NCK2: variants seen among roughly 807,000 people sequenced by gnomAD.
The protein encoded by NCK2 is cytoplasmic protein NCK2.
Under a neutral mutation model 33.9 loss-of-function variants are expected in NCK2, and 16 were observed. That is an observed-to-expected ratio of 0.47 (90% CI 0.32 to 0.72). The LOEUF is 0.72. NCK2 is among the 30% of genes least tolerant of loss of function. NCK2 has a pLI of 0.03. For synonymous variants in NCK2, 273 were observed against 239.9 expected, an observed-to-expected ratio of 1.14 and a Z score of -1.27; for missense variants, 418 against 537.3, an observed-to-expected ratio of 0.78 and a Z score of 2.19.
intron 1 of NCK2, among the ~76,000 whole-genome samples, chr2:105,765,919 C>G (rs922577395): frequency 2.6e-5 from 4 of 151,880 alleles, no homozygotes; most frequent in African/African-American, 9.7e-5. Flanking sequence ...TCCAGACCCA[C>G]AGAGACAATA....
intron 1 of NCK2, among the ~76,000 whole-genome samples, chr2:105,782,788 T>G (rs1690544242): frequency 6.6e-6 from 1 of 152,182 alleles, no homozygotes; most frequent in Admixed American, 6.5e-5. Flanking sequence ...GCTGTTAGGC[T>G]TGTGCTCAGC....
chr2:105,853,721 G>A (rs1461461511), intron 2 of NCK2: 1 of 152,222 alleles, frequency 6.6e-6, no homozygotes, highest in African/African-American at 2.4e-5. Flanking sequence ...AAAGAGATTG[G>A]GTTTGACTCC....
At chr2:105,800,059 T>C (rs1477064505) in intron 1 of NCK2, among the ~76,000 whole-genome samples, 6 of 152,214 alleles carry the variant, frequency 3.9e-5, no homozygotes, top group African/African-American at 1.4e-4. Flanking sequence ...AGATGTGTCT[T>C]TGCACCAGCA....
upstream of NCK2, among the ~76,000 whole-genome samples, chr2:105,744,646 A>G (rs1021084485): frequency 3.4e-4 from 51 of 151,770 alleles, no homozygotes; most frequent in African/African-American, 1.2e-3. Context: ...GCGCCTCCAG[A>G]GCGGAGCGTC....
intron 1 of NCK2, among the ~76,000 whole-genome samples, chr2:105,779,322 A>AG (rs1326275161): frequency 6.6e-6 from 1 of 151,982 alleles, no homozygotes; most frequent in Non-Finnish European, 1.5e-5. Context: ...AAAAAAAAAA[A>AG]AAGAATCCGT....
At chr2:105,860,796 C>T (rs1300179426) in intron 3 of NCK2, among the ~76,000 whole-genome samples, 1 of 144,400 alleles carries the variant, frequency 6.9e-6, no homozygotes, top group Admixed American at 6.9e-5. Context: ...ATGCCCCGCC[C>T]GCCTGTGCAT....
intron 1 of NCK2, among the ~76,000 whole-genome samples, chr2:105,801,418 CTTT>C (rs79973949): frequency 6.9e-6 from 1 of 145,458 alleles, no homozygotes; most frequent in Non-Finnish European, 1.5e-5. Flanking sequence ...GTGCTTTTTT[CTTT>C]TTTTTTTTTT....
chr2:105,835,407 G>GTATATATATATATATATATATACGTA (rs1491345836), intron 2 of NCK2, among the ~76,000 whole-genome samples: 1 of 19,694 alleles, frequency 5.1e-5, no homozygotes, highest in African/African-American at 1.1e-4. Context: ...ATATATATAC[G>GTATATATATATATATATATATACGTA]TGTATATATA....
chr2:105,770,727 A>C (rs888578569), intron 1 of NCK2, among the ~76,000 whole-genome samples: 1 of 152,164 alleles, frequency 6.6e-6, no homozygotes, highest in African/African-American at 2.4e-5. Context: ...CATTATTTTA[A>C]ACTTAAAGAT....
intron 1 of NCK2, among the ~76,000 whole-genome samples, chr2:105,753,864 C>T (rs149677120): frequency 8.5e-5 from 13 of 152,306 alleles, no homozygotes; most frequent in African/African-American, 3.1e-4. Context: ...GCTTTGAAAT[C>T]TGCTTCTGAG....
chr2:105,854,324 T>A (rs1392430781), intron 2 of NCK2, among the ~76,000 whole-genome samples: 1 of 152,226 alleles, frequency 6.6e-6, no homozygotes, highest in Non-Finnish European at 1.5e-5. Context: ...TACAGACGTC[T>A]CTGCACAGGT....
chr2:105,835,090 T>C (rs1440218275), intron 2 of NCK2, among the ~76,000 whole-genome samples: 5 of 152,080 alleles, frequency 3.3e-5, no homozygotes, highest in African/African-American at 1.2e-4. Context: ...TGTTTTTCTT[T>C]GTGGTTTGCT....
At chr2:105,794,124 C>T (rs1457787212) in intron 1 of NCK2, among the ~76,000 whole-genome samples, 10 of 148,036 alleles carry the variant, frequency 6.8e-5, no homozygotes, top group Admixed American at 6.1e-4. Context: ...TTTTGGCTCA[C>T]TGCAACCTCC....
At position 105,777,686 on chromosome 2, in the gene NCK2, A is replaced by G. The variant is rs1338526927; in HGVS notation, c.-201+32548A>G. Among the ~76,000 whole-genome samples, 5 of 152,154 alleles carry G rather than the reference A, an allele frequency of 3.3e-5. No individual in the cohort carries two copies. The East Asian group carries it at 9.6e-4, about 29-fold the overall frequency. On this transcript the variant is annotated intron_variant, in intron 1 of 4. Coordinates refer to ENST00000233154, the MANE Select transcript of NCK2 (RefSeq NM_003581.5). ...ACACCAATGCGCACAATTCCTATCAAGGTCCTGTGTGTAGAGCCACTGTGG... is the reference window on the plus strand; with the variant it reads ...ACACCAATGCGCACAATTCCTATCAGGGTCCTGTGTGTAGAGCCACTGTGG...
chr2:105,871,503 C>CTTT lies in NCK2; in HGVS notation c.227-9817_227-9815dup, dbSNP rs369980011. On this transcript the variant is annotated intron_variant, in intron 3 of 4. Transcript: ENST00000233154. The stretch of plus-strand genomic sequence containing the variant: ...AAAAAGATAATGGTTTTTCTTTTTT[C>CTTT]TTTTTTTTTTGAGACAGAGTCTCCC... Among the ~76,000 whole-genome samples the CTTT allele has an allele frequency of 3.7e-3, 552 of 148,534 alleles. 2 individuals are homozygous for CTTT. Among genetic ancestry groups the CTTT allele is most frequent in the African/African-American group, 0.012 (503 of 40,526 alleles).
chr2:105,866,120 G>T (rs1677741654), intron 3 of NCK2, among the ~76,000 whole-genome samples: 1 of 152,060 alleles, frequency 6.6e-6, no homozygotes. Context: ...CTCCATGTTG[G>T]CCAGGCTGGT....
At chr2:105,844,746 G>GATATA (rs1558866415) in intron 2 of NCK2, among the ~76,000 whole-genome samples, 1 of 37,172 alleles carries the variant, frequency 2.7e-5, no homozygotes, top group South Asian at 8.6e-4. Context: ...GGGCGGGGGG[G>GATATA]GATATATATA....
At chr2:105,751,036 G>A (rs982268418) in intron 1 of NCK2, among the ~76,000 whole-genome samples, 9 of 152,174 alleles carry the variant, frequency 5.9e-5, no homozygotes, top group African/African-American at 2.2e-4. Context: ...CAGACATAAG[G>A]CAGGGGCAAT....
At chr2:105,802,706 C>A (rs999687730) in intron 1 of NCK2, among the ~76,000 whole-genome samples, 4 of 152,238 alleles carry the variant, frequency 2.6e-5, no homozygotes, top group Non-Finnish European at 5.9e-5. Context: ...GATGCAGACA[C>A]CTCCCTTAAA....
Sources: gnomAD v4.1 joint callset for allele counts (sites outside exome capture counted in the v4.1 genomes callset) on GRCh38, gnomAD v4.1.1 for gene constraint, MANE v1.5 for transcripts, NCBI Gene and HGNC (gene_info 2026-07-23, HGNC 2026-07-21) for gene names.